The following B3GNT4 variants were observed in gnomAD, a reference collection of about 807,000 sequenced individuals.
B3GNT4 encodes N-acetyllactosaminide beta-1,3-N-acetylglucosaminyltransferase 4.
A neutral mutation model predicts 2.7 loss-of-function variants in B3GNT4; 2 were observed. The observed-to-expected ratio is 0.73, with a 90% CI of 0.30 to 2.31. The LOEUF (loss-of-function observed/expected upper bound fraction) is 2.31. B3GNT4 is among the 30% of genes most tolerant of loss of function. The probability of loss-of-function intolerance (pLI) is 0.12; values close to 1 mark genes in which losing one functional copy is unlikely to be tolerated. For missense variants in B3GNT4, 708 were observed against 490.9 expected, an observed-to-expected ratio of 1.44 and a Z score of -4.18; for synonymous variants, 280 against 203.4, an observed-to-expected ratio of 1.38 and a Z score of -3.20.
At chr12:122,204,767 C>G (rs1953893376) in intron 2 of B3GNT4, 83 bp downstream of exon 2, 2 of 1,235,046 alleles carry the variant, frequency 1.6e-6, no homozygotes, top group African/African-American at 1.5e-5. Flanking sequence ...AAACTCTGGC[C>G]GGTGGCTCAC....
chr12:122,206,888 T>C lies in B3GNT4; in HGVS notation c.637T>C (p.Phe213Leu). 1 of 1,613,948 alleles carries C rather than the reference T, an allele frequency of 6.2e-7. No homozygotes were observed. Among genetic ancestry groups the C allele is most frequent in the Non-Finnish European group, 8.5e-7 (1 of 1,180,004 alleles). The change falls in exon 3 of 3, where the codon TTC becomes CTC. Residue 213 changes from phenylalanine to leucine, a missense_variant. Physicochemically the swap from Phe to Leu is conservative, Grantham distance 22 (BLOSUM62 0). Coordinates refer to ENST00000324189, the MANE Select transcript of B3GNT4 (RefSeq NM_030765.4). ...GGTGGCTGCCTGCCCCCAGGCCCAT[T>C]TCATGCTAAAGGGAGATGACGATGT... The part of the protein sequence containing the change: ...WVVAACPQAH[F>L]MLKGDDDVFV...
rs1566020089 is a variant in B3GNT4, at chr12:122,208,616, AG to A, written c.*1231del. ...GGACAATCGGGTTGAGCAGCCGTGCAGGGCGCGGAAGGCTCATGTGGACGTT... is the reference window on the plus strand; with the variant it reads ...GGACAATCGGGTTGAGCAGCCGTGCAGGCGCGGAAGGCTCATGTGGACGTT... On this transcript the variant is annotated 3_prime_UTR_variant, in exon 3 of 3. Coordinates refer to ENST00000324189, the MANE Select transcript of B3GNT4 (RefSeq NM_030765.4). 1.9e-6 allele frequency: 3 copies of A among 1,596,634 alleles called. No homozygotes were observed. Among genetic ancestry groups the A allele is most frequent in the Non-Finnish European group, 2.6e-6 (3 of 1,174,822 alleles).
rs1220367570 is a variant in B3GNT4 at position 122,208,806 on chromosome 12, C to A, written c.*1418C>A. On this transcript the variant is annotated 3_prime_UTR_variant, in exon 3 of 3. Transcript: ENST00000324189. The stretch of plus-strand genomic sequence containing the variant: ...TTTTTCTTCAGCTGTCAGCGGCCAA[C>A]ATCACAATTATTAAATGCAACTCTC... 2 of 638,976 alleles carry A rather than the reference C, an allele frequency of 3.1e-6. No individual in the cohort carries two copies. The highest frequency in any genetic ancestry group is 5.8e-6 in the Non-Finnish European group (2 of 344,802). 39.6% of individuals were successfully genotyped at this position (638,976 alleles called of 1,614,324 possible). A position where few individuals can be genotyped will look rare whatever the true frequency, so the allele number is the denominator to read the frequency against.
At position 122,204,658 on chromosome 12, in the gene B3GNT4, G is replaced by C; in HGVS notation, c.40G>C (p.Gly14Arg). ...GCCTTCCGCAGCCCACCAGGGAAGG[G>C]GCGGTAGGAGTGGCCTTTTACCAAA... ...PQPSAAHQGR[G>R]GRSGLLPKGP... The change falls in exon 2 of 3, where the codon GGC becomes CGC. Residue 14 changes from glycine (G) to arginine (R), a missense_variant. Coordinates refer to ENST00000324189, the MANE Select transcript of B3GNT4 (RefSeq NM_030765.4). 1 of 1,611,990 alleles carries C rather than the reference G, an allele frequency of 6.2e-7. No homozygotes were observed.
chr12:122,205,682 C>G (rs971478509), intron 2 of B3GNT4: 1 of 152,438 alleles, frequency 6.6e-6, no homozygotes, highest in Non-Finnish European at 1.5e-5. Flanking sequence ...GAAGCCATCC[C>G]TGATACAAGT....
chr12:122,207,253 G>A lies in B3GNT4; in HGVS notation c.1002G>A (p.Leu334=). ...GFKTFGIRRP[L]DPLDPCLYRG... ...AGACATTTGGAATCCGGCGGCCCCT[G>A]GACCCCTTAGACCCCTGCCTGTATA... is the stretch of plus-strand genomic sequence containing the variant. The change falls in exon 3 of 3, where the codon CTG becomes CTA. Residue 334 remains leucine, a synonymous_variant. Transcript: ENST00000324189. The A allele has an allele frequency of 6.2e-7, 1 of 1,614,150 alleles. No individual in the cohort carries two copies. The highest frequency in any genetic ancestry group is 8.5e-7 in the Non-Finnish European group (1 of 1,180,032).
At position 122,207,410 on chromosome 12, in the gene B3GNT4, T is replaced by C. The variant is rs1566018159; in HGVS notation, c.*22T>C. The C allele has an allele frequency of 7.2e-6, 11 of 1,517,588 alleles. No homozygotes were observed. Among genetic ancestry groups the C allele is most frequent in the Admixed American group, 2.2e-5 (1 of 45,074 alleles). The allele number at this position is 1,517,588 out of a possible 1,614,324, so 94.0% of individuals were successfully genotyped here. On this transcript the variant is annotated 3_prime_UTR_variant, in exon 3 of 3. Transcript: ENST00000324189. ...CTGAAGGGTGGGTTGGGCAACAGCCTGAGAGTGGACTCAGTGTTGATTCTC... is the reference window on the plus strand; with the variant it reads ...CTGAAGGGTGGGTTGGGCAACAGCCCGAGAGTGGACTCAGTGTTGATTCTC...
At chr12:122,205,258 T>C (rs1053480550) in intron 2 of B3GNT4, 1 of 153,660 alleles carries the variant, frequency 6.5e-6, no homozygotes, top group African/African-American at 2.4e-5. Context: ...CCCTTGGCTA[T>C]GGGATCCGTC....
At position 122,208,182 on chromosome 12, in the gene B3GNT4, A is replaced by G; in HGVS notation, c.*794A>G. ...AAATGTTAAACAGGGTGCAGTGCCC[A>G]AGGGCTAAGAACCAGGTCCAGCGCA... On this transcript the variant is annotated 3_prime_UTR_variant, in exon 3 of 3. Coordinates refer to ENST00000324189, the MANE Select transcript of B3GNT4 (RefSeq NM_030765.4). 1 of 718,956 alleles carries G rather than the reference A, an allele frequency of 1.4e-6. No individual in the cohort carries two copies. Among genetic ancestry groups the G allele is most frequent in the Non-Finnish European group, 2.5e-6 (1 of 403,518 alleles). 44.5% of individuals were successfully genotyped at this position (718,956 alleles called of 1,614,324 possible).
At position 122,207,672 on chromosome 12, in the gene B3GNT4, GGA is replaced by G. The variant is rs1953954560; in HGVS notation, c.*289_*290del. ...AGGAAGGAGGCTGCATAGGACCCCA[GGA>G]GAGACGCATTTTCTCTTTCAGATGC... On this transcript the variant is annotated 3_prime_UTR_variant, in exon 3 of 3. Transcript: ENST00000324189. 1.6e-6 allele frequency: 1 copy of G among 632,760 alleles called. No homozygotes were observed. The highest frequency in any genetic ancestry group is 2.9e-6 in the Non-Finnish European group (1 of 341,830). 39.2% of individuals were successfully genotyped at this position (632,760 alleles called of 1,614,324 possible).
At chr12:122,204,352 C>A (rs966446244) in intron 1 of B3GNT4, among the ~76,000 whole-genome samples, 170 bp from the exon 2 acceptor site, 24 of 151,756 alleles carry the variant, frequency 1.6e-4, no homozygotes, top group East Asian at 2.0e-4. Context: ...GCTCGGAGGG[C>A]GGCGGGGCGA....
Position 122,206,325 on chromosome 12 carries a change from C to T in B3GNT4, c.74C>T (p.Ala25Val), listed in dbSNP as rs1424495821. 9.6e-6 allele frequency: 15 copies of T among 1,563,928 alleles called. No individual in the cohort carries two copies. The Admixed American group carries it at 2.3e-4, about 24-fold the overall frequency. Reference sequence around the variant, plus strand: ...GTGGCTCTCTCCTTGCAGGGACCGGCGATGCTCTGCAGGCTGTGCTGGCTG... The same window carrying T: ...GTGGCTCTCTCCTTGCAGGGACCGGTGATGCTCTGCAGGCTGTGCTGGCTG... ...GRSGLLPKGP[A>V]MLCRLCWLVS... Residue 25 changes from alanine (A) to valine (V), a missense_variant, in exon 3 of 3, where the codon GCG becomes GTG. Physicochemically the swap from Ala to Val is moderately conservative, Grantham distance 64 (BLOSUM62 0). Transcript: ENST00000324189.
chr12:122,204,422 C>T (rs1953887746), intron 1 of B3GNT4, 100 bp from the exon 2 acceptor site: 3 of 564,200 alleles, frequency 5.3e-6, no homozygotes, highest in Non-Finnish European at 6.3e-6. Flanking sequence ...CGGGCCGCGG[C>T]GCAGCCTGGG....
intron 1 of B3GNT4, 73 bp from the exon 2 acceptor site, chr12:122,204,449 C>T (rs1953887981): frequency 1.5e-6 from 1 of 669,160 alleles, no homozygotes; most frequent in Non-Finnish European, 2.7e-6. Context: ...CCTCCTGGGA[C>T]GGAACCAAGC....
chr12:122,206,038 G>A, intron 2 of B3GNT4: 1 of 407,284 alleles, frequency 2.5e-6, no homozygotes, highest in Non-Finnish European at 4.3e-6. Flanking sequence ...GGCTGGGAAC[G>A]TTTATGGTGT....
intron 1 of B3GNT4, among the ~76,000 whole-genome samples, chr12:122,204,215 C>T (rs1953884973): frequency 6.6e-6 from 1 of 151,940 alleles, no homozygotes; most frequent in Non-Finnish European, 1.5e-5. Flanking sequence ...CGTTTTGGGT[C>T]ACCGAGTCCT....
Position 122,208,067 on chromosome 12 carries a change from AAAAG to A in B3GNT4, c.*680_*683del, listed in dbSNP as rs1182435803. The stretch of plus-strand genomic sequence containing the variant: ...AGTTGCTGAACTTAAGGGCATGACA[AAAAG>A]GACTCCTCTCTCTGACCCAGGTAGG... On this transcript the variant is annotated 3_prime_UTR_variant, in exon 3 of 3. Coordinates refer to ENST00000324189, the MANE Select transcript of B3GNT4 (RefSeq NM_030765.4). 1 of 585,740 alleles carries A rather than the reference AAAAG, an allele frequency of 1.7e-6. No individual in the cohort carries two copies. Among genetic ancestry groups the A allele is most frequent in the Non-Finnish European group, 3.2e-6 (1 of 312,462 alleles). 36.3% of individuals were successfully genotyped at this position (585,740 alleles called of 1,614,324 possible).
At position 122,208,499 on chromosome 12, in the gene B3GNT4, G is replaced by C. The variant is rs1193868082; in HGVS notation, c.*1111G>C. On this transcript the variant is annotated 3_prime_UTR_variant, in exon 3 of 3. Transcript: ENST00000324189. The stretch of plus-strand genomic sequence containing the variant: ...TGCCAGCTTGGTTTCTGCTTTCCGG[G>C]AGAGCTGGTGCACCTCTTCCACCTG... 1 of 1,614,010 alleles carries C rather than the reference G, an allele frequency of 6.2e-7. No individual in the cohort carries two copies. Among genetic ancestry groups the C allele is most frequent in the Non-Finnish European group, 8.5e-7 (1 of 1,180,044 alleles).
In B3GNT4 at chr12:122,207,862, T is replaced by A; in HGVS notation, c.*474T>A. The A allele has an allele frequency of 2.2e-6, 1 of 460,408 alleles. No individual in the cohort carries two copies. Among genetic ancestry groups the A allele is most frequent in the Non-Finnish European group, 4.3e-6 (1 of 231,194 alleles). The allele number at this position is 460,408 out of a possible 1,614,324, so 28.5% of individuals were successfully genotyped here. On this transcript the variant is annotated 3_prime_UTR_variant, in exon 3 of 3. Transcript: ENST00000324189. ...TAGTAGTAATAGGTTTTTCACTCCT[T>A]GGCCTCAGCTGTCCTCACAGGACAG...
Sources: allele counts gnomAD v4.1 joint callset (sites outside exome capture counted in the v4.1 genomes callset), GRCh38; gene constraint gnomAD v4.1.1; transcripts MANE v1.5; gene names NCBI Gene and HGNC (gene_info 2026-07-23, HGNC 2026-07-21).